SEMA4B: variants seen among roughly 807,000 people sequenced by gnomAD.
SEMA4B encodes semaphorin 4B.
A neutral mutation model predicts 88.1 loss-of-function variants in SEMA4B; 55 were observed. The ratio of observed to expected loss-of-function variants is 0.62; its 90% CI spans 0.50 to 0.78. The LOEUF (loss-of-function observed/expected upper bound fraction) is 0.78, where lower values mean the gene tolerates loss of function less well. Ranked by LOEUF, SEMA4B falls within the 30% of genes least tolerant of loss-of-function variation. SEMA4B has a pLI of 0.00. For missense variants in SEMA4B, 1,062 were observed against 1,111.9 expected, an observed-to-expected ratio of 0.96 and a Z score of 0.64; for synonymous variants, 525 against 473.6, an observed-to-expected ratio of 1.11 and a Z score of -1.41.
chr15:90,211,542 G>T (rs569440380), intron 1 of SEMA4B, among the ~76,000 whole-genome samples: 1 of 152,196 alleles, frequency 6.6e-6, no homozygotes, highest in Non-Finnish European at 1.5e-5. Context: ...AGAAGTGGCT[G>T]CCCTGCCCAA....
In SEMA4B at chr15:90,188,417, C is replaced by T. The variant is rs187483375; in HGVS notation, c.-122+3336C>T. Among the ~76,000 whole-genome samples, 27 of 151,896 alleles carry T rather than the reference C, an allele frequency of 1.8e-4. 1 individual carries two copies. The highest frequency in any genetic ancestry group is 6.3e-4 in the African/African-American group (26 of 41,456). ...CCGAGGTGGGCGGATCACCTGAGGTCAGGGGTTCAAGACCAGGCTGGCCAA... is the reference window on the plus strand; with the variant it reads ...CCGAGGTGGGCGGATCACCTGAGGTTAGGGGTTCAAGACCAGGCTGGCCAA... On this transcript the variant is annotated intron_variant, in intron 1 of 14. Transcript: ENST00000332496.
intron 1 of SEMA4B, among the ~76,000 whole-genome samples, chr15:90,194,691 G>A (rs551588038): frequency 4.7e-4 from 72 of 152,014 alleles, no homozygotes; most frequent in African/African-American, 1.0e-3. Flanking sequence ...GTGAGCCACC[G>A]TGCCTGGCTG....
intron 1 of SEMA4B, among the ~76,000 whole-genome samples, chr15:90,211,916 C>T (rs1025798409): frequency 5.9e-5 from 9 of 152,218 alleles, no homozygotes; most frequent in Admixed American, 3.3e-4. Flanking sequence ...GTCTTGCTGC[C>T]GTGCCCGGAG....
At chr15:90,218,473 T>TC (rs1221573142) in intron 3 of SEMA4B, among the ~76,000 whole-genome samples, 1 of 152,176 alleles carries the variant, frequency 6.6e-6, no homozygotes, top group African/African-American at 2.4e-5. Flanking sequence ...TCCATGTACT[T>TC]TTAGGTACTG....
rs370259093 is a variant in SEMA4B, at chr15:90,224,949, C to T, written c.1195-19C>T. ...ACCCCGAGGTGTGGCTGGCCTCACA[C>T]TGCTGCTTTCTCCTCCAGTGCATCA... On this transcript the variant is annotated intron_variant, in intron 9 of 13. Coordinates refer to ENST00000411539, the MANE Select transcript of SEMA4B (RefSeq NM_198925.4). The T allele has an allele frequency of 3.1e-5, 50 of 1,611,126 alleles. No homozygotes were observed. Among genetic ancestry groups the T allele is most frequent in the Non-Finnish European group, 4.2e-5 (49 of 1,177,482 alleles).
upstream of SEMA4B, among the ~76,000 whole-genome samples, chr15:90,198,683 G>T (rs1960595125): frequency 6.6e-6 from 1 of 152,128 alleles, no homozygotes; most frequent in Non-Finnish European, 1.5e-5. Flanking sequence ...GGCCCTGCTG[G>T]TTCGGGCTAC....
intron 12 of SEMA4B, among the ~76,000 whole-genome samples, chr15:90,226,037 G>C (rs1430637927): frequency 2.0e-5 from 3 of 152,212 alleles, no homozygotes; most frequent in Non-Finnish European, 4.4e-5. Context: ...ACGAGGACAT[G>C]ATTTGGTAAA....
In SEMA4B at chr15:90,228,749, G is replaced by C; in HGVS notation, c.*106G>C. The C allele has an allele frequency of 2.7e-6, 4 of 1,476,644 alleles. No homozygotes were observed. Among genetic ancestry groups the C allele is most frequent in the Admixed American group, 1.9e-5 (1 of 51,586 alleles). The allele number at this position is 1,476,644 out of a possible 1,614,324, so 91.5% of individuals were successfully genotyped here. A position where few individuals can be genotyped will look rare whatever the true frequency, so the allele number is the denominator to read the frequency against. ...CTGCTCTTCGTGGAACACGACCGTG[G>C]TGCCCGGCCCTTGGGAGCCTTGGGG... On this transcript the variant is annotated 3_prime_UTR_variant, in exon 14 of 14. Transcript: ENST00000411539.
At chr15:90,217,957 G>A in intron 3 of SEMA4B, 128 bp downstream of exon 3, 3 of 741,406 alleles carry the variant, frequency 4.0e-6, no homozygotes, top group South Asian at 1.7e-5. Context: ...AAGCTTCTGA[G>A]ATTACCCGGC....
rs570278244 is a variant in SEMA4B, at chr15:90,225,277, C to G, written c.1406-5C>G. The G allele has an allele frequency of 1.9e-6, 3 of 1,555,876 alleles. No individual in the cohort carries two copies. Among genetic ancestry groups the G allele is most frequent in the South Asian group, 2.4e-5 (2 of 84,542 alleles). On this transcript the variant is annotated splice_polypyrimidine_tract_variant and splice_region_variant and intron_variant, in intron 10 of 13. Coordinates refer to ENST00000411539, the MANE Select transcript of SEMA4B (RefSeq NM_198925.4). Reference sequence around the variant, plus strand: ...CCCAGGGCCTGAGTCCTGTCCACACCCCAGGTGACGGCCGGCTCCACAAGG... The same window carrying G: ...CCCAGGGCCTGAGTCCTGTCCACACGCCAGGTGACGGCCGGCTCCACAAGG...
intron 12 of SEMA4B, 23 bp from the exon 13 acceptor site, chr15:90,227,534 C>T: frequency 1.2e-6 from 2 of 1,612,492 alleles, no homozygotes; most frequent in South Asian, 2.2e-5. Flanking sequence ...CTGGCCAATC[C>T]CAGAATTCTC....
At chr15:90,210,169 G>A (rs778508025) in intron 1 of SEMA4B, among the ~76,000 whole-genome samples, 5 of 152,182 alleles carry the variant, frequency 3.3e-5, no homozygotes, top group Admixed American at 6.5e-5. Flanking sequence ...TCTGAGGAAG[G>A]AGGATGGTGA....
chr15:90,224,715 C>T (rs1962048745), intron 9 of SEMA4B, among the ~76,000 whole-genome samples: 1 of 152,144 alleles, frequency 6.6e-6, no homozygotes, highest in African/African-American at 2.4e-5. Context: ...GGCCCCTGGG[C>T]ATATGAGGCT....
intron 12 of SEMA4B, 55 bp downstream of exon 12, chr15:90,225,882 G>A (rs560438940): frequency 9.0e-5 from 125 of 1,395,662 alleles, no homozygotes; most frequent in African/African-American, 1.8e-4. Context: ...AGGTGACCTC[G>A]GAGCACCATC....
At position 90,212,116 on chromosome 15, in the gene SEMA4B, T is replaced by A. The variant is rs1395465718; in HGVS notation, c.158-5323T>A. Among the ~76,000 whole-genome samples the A allele has an allele frequency of 6.6e-6, 1 of 151,038 alleles. No homozygotes were observed. The highest frequency in any genetic ancestry group is 6.6e-5 in the Admixed American group (1 of 15,198). ...CCCTTACATGGGGCTGAGGGCTGAG[T>A]ATTCCCACATCACTTCCTACTCAGA... On this transcript the variant is annotated intron_variant, in intron 1 of 13. Transcript: ENST00000411539. This position sits in a 1 kb window ranked among gnomAD's most constrained non-coding sequence, Gnocchi z 4.0.
rs1961569768 is a variant in SEMA4B at position 90,217,178 on chromosome 15, T to C, written c.158-261T>C. On this transcript the variant is annotated intron_variant, in intron 1 of 13. Transcript: ENST00000411539. ...CCCTCTGGTTGGACGGACTCTTTGG[T>C]TTTCAGTTTTTTATTAATGTGAAGG... 8.5e-6 allele frequency: 3 copies of C among 352,106 alleles called. No individual in the cohort carries two copies. The East Asian group carries it at 1.5e-4, about 17-fold the overall frequency. The allele number at this position is 352,106 out of a possible 1,614,324, so 21.8% of individuals were successfully genotyped here. A position where few individuals can be genotyped will look rare whatever the true frequency, so the allele number is the denominator to read the frequency against.
In SEMA4B at chr15:90,221,698, G is replaced by C. The variant is rs1291950572; in HGVS notation, c.794G>C (p.Ser265Thr). The C allele has an allele frequency of 2.5e-6, 4 of 1,614,006 alleles. No individual in the cohort carries two copies. The highest frequency in any genetic ancestry group is 3.4e-6 in the Non-Finnish European group (4 of 1,179,898). ...GDDDKIYFFF[S>T]ETGQEFEFFE... ...GATGACAAGATCTACTTTTTCTTCA[G>C]CGAGACTGGCCAGGAATTTGAGTTC... Residue 265 changes from serine (S) to threonine (T), a missense_variant, in exon 7 of 14, where the codon AGC (serine) becomes ACC (threonine). Coordinates refer to ENST00000411539, the MANE Select transcript of SEMA4B (RefSeq NM_198925.4).
rs772007412 is a variant in SEMA4B, at chr15:90,223,528, C to G, written c.862-31C>G. On this transcript the variant is annotated intron_variant, in intron 7 of 13. Coordinates refer to ENST00000411539, the MANE Select transcript of SEMA4B (RefSeq NM_198925.4). The stretch of plus-strand genomic sequence containing the variant: ...ATCCCCGTCATGGCTCAGCATGTGC[C>G]TAAGCCCAGCCCATCCGACTCTCCC... 1.3e-6 allele frequency: 2 copies of G among 1,540,318 alleles called. 1 individual carries two copies. Among genetic ancestry groups the G allele is most frequent in the South Asian group, 2.5e-5 (2 of 79,888 alleles).
chr15:90,192,677 G>A lies in SEMA4B; in HGVS notation c.-122+7596G>A, dbSNP rs530374876. On this transcript the variant is annotated intron_variant, in intron 1 of 14. Coordinates refer to the SEMA4B transcript ENST00000332496. ...ACGATCTTGGCTCACTGCAGCCTCC[G>A]CCTCCTGGGTTCAAGCAATTCTCCT... Among the ~76,000 whole-genome samples, 9 of 134,530 alleles carry A rather than the reference G, an allele frequency of 6.7e-5. No individual in the cohort carries two copies. In the East Asian group the frequency reaches 7.7e-4, roughly 12 times the overall value. 88.3% of individuals were successfully genotyped at this position (134,530 alleles called of 152,430 possible). A position where few individuals can be genotyped will look rare whatever the true frequency, so the allele number is the denominator to read the frequency against.
Sources: gnomAD v4.1 joint callset for allele counts (sites outside exome capture counted in the v4.1 genomes callset) on GRCh38, gnomAD v4.1.1 for gene constraint, Gnocchi (gnomAD v3.1) non-coding constraint, MANE v1.5 for transcripts, NCBI Gene and HGNC (gene_info 2026-07-23, HGNC 2026-07-21) for gene names.